Variants in HDAC5 observed in about 807,000 individuals in gnomAD.
The protein encoded by HDAC5 is histone deacetylase 5.
HDAC5 carries 25 observed loss-of-function variants against 133.3 expected under a neutral mutation model. That is an observed-to-expected ratio of 0.19 (90% CI 0.14 to 0.26). HDAC5 has a LOEUF of 0.26. Ranked by LOEUF, HDAC5 falls within the 10% of genes least tolerant of loss-of-function variation. The pLI, the probability that HDAC5 is intolerant of heterozygous loss-of-function variation, is 1.00. For missense variants in HDAC5, 1,041 were observed against 1,460.5 expected, an observed-to-expected ratio of 0.71 and a Z score of 4.68; for synonymous variants, 589 against 610.8, an observed-to-expected ratio of 0.96 and a Z score of 0.53.
At position 44,088,559 on chromosome 17, in the gene HDAC5, C is replaced by T. The variant is rs143851045; in HGVS notation, c.1427G>A (p.Arg476His). The T allele has an allele frequency of 3.6e-4, 588 of 1,613,566 alleles. 2 individuals are homozygous for T. The highest frequency in any genetic ancestry group is 6.7e-4 in the South Asian group (61 of 91,076). Residue 476 changes from arginine (R) to histidine (H), a missense_variant, in exon 12 of 27, where the codon CGT becomes CAT. By Grantham distance (29) the Arg-to-His change is conservative. This residue lies in a region of HDAC5 where 433 missense variants were observed against 531.6 expected (regional missense o/e 0.81). Transcript: ENST00000682912. Reference protein sequence around the residue: ...HGQSPLVTGERVATSMRTVGK... With the variant: ...HGQSPLVTGEHVATSMRTVGK... The stretch of plus-strand genomic sequence containing the variant: ...TACCGTCCGCATGCTGGTGGCCACA[C>T]GTTCACCCGTCACTAGTGGGGACTG...
chr17:44,092,692 G>A lies in HDAC5; in HGVS notation c.756C>T (p.Phe252=), dbSNP rs1293256071. The A allele has an allele frequency of 2.0e-6, 3 of 1,518,196 alleles. No individual in the cohort carries two copies. The highest frequency in any genetic ancestry group is 3.6e-4 in the Middle Eastern group (2 of 5,594). 94.0% of individuals were successfully genotyped at this position (1,518,196 alleles called of 1,614,324 possible). A position where few individuals can be genotyped will look rare whatever the true frequency, so the allele number is the denominator to read the frequency against. The change falls in exon 7 of 27, where the codon TTC becomes TTT. Residue 252 remains phenylalanine, a synonymous_variant. Transcript: ENST00000682912. ...LPGPYDSRDD[F]PLRKTASEPN... Reference sequence around the variant, plus strand: ...CTCACTCACCTGTTTTGCGGAGGGGGAAGTCGTCTCGACTGTCGTAGGGCC... The same window carrying A: ...CTCACTCACCTGTTTTGCGGAGGGGAAAGTCGTCTCGACTGTCGTAGGGCC...
chr17:44,123,443 G>A (rs2053138629), intron 1 of HDAC5, 61 bp downstream of exon 1: 1 of 361,626 alleles, frequency 2.8e-6, no homozygotes, highest in African/African-American at 2.1e-5. Flanking sequence ...GGAGGAGGGG[G>A]CGCCGCCTCG....
At chr17:44,102,257 T>A (rs978201968) in intron 3 of HDAC5, among the ~76,000 whole-genome samples, 1 of 152,248 alleles carries the variant, frequency 6.6e-6, no homozygotes, top group African/African-American at 2.4e-5. Flanking sequence ...GCCACCTTTT[T>A]AAAATCTGCA....
chr17:44,093,814 G>T lies in HDAC5; in HGVS notation c.115C>A (p.Pro39Thr). 6.6e-7 allele frequency: 1 copy of T among 1,521,842 alleles called. No homozygotes were observed. Among genetic ancestry groups the T allele is most frequent in the Non-Finnish European group, 8.8e-7 (1 of 1,134,992 alleles). 94.3% of individuals were successfully genotyped at this position (1,521,842 alleles called of 1,614,324 possible). A position where few individuals can be genotyped will look rare whatever the true frequency, so the allele number is the denominator to read the frequency against. ...PVTVEVKPVL[P>T]RAMPSSMGGG... ...CCCATGGAACTGGGCATGGCTCTTG[G>T]CAGCACCGGCTTCACCTCCACTGTG... The change falls in exon 4 of 27, where the codon CCA (proline) becomes ACA (threonine). Residue 39 changes from proline (P) to threonine (T), a missense_variant. Around this residue, in one of 9 missense-constraint regions of HDAC5, gnomAD observed 93 missense variants for 98.8 expected, o/e 0.94. Transcript: ENST00000682912.
In HDAC5 at chr17:44,092,823, G is replaced by A; in HGVS notation, c.642-17C>T. ...TGGGCTCCCCTGGGGTGGGGGGGGGGTGGGGATGGAAGCAGATCTAGGTTA... is the reference window on the plus strand; with the variant it reads ...TGGGCTCCCCTGGGGTGGGGGGGGGATGGGGATGGAAGCAGATCTAGGTTA... On this transcript the variant is annotated splice_polypyrimidine_tract_variant and intron_variant, in intron 6 of 26. Coordinates refer to ENST00000682912, the MANE Select transcript of HDAC5 (RefSeq NM_005474.5). 1 of 666,256 alleles carries A rather than the reference G, an allele frequency of 1.5e-6. No homozygotes were observed. The highest frequency in any genetic ancestry group is 2.4e-6 in the Non-Finnish European group (1 of 422,862). 41.3% of individuals were successfully genotyped at this position (666,256 alleles called of 1,614,324 possible).
Sources: gnomAD v4.1 joint callset for allele counts (sites outside exome capture counted in the v4.1 genomes callset) on GRCh38, gnomAD v4.1.1 for gene constraint, gnomAD v4.1.1 regional missense constraint, MANE v1.5 for transcripts, NCBI Gene and HGNC (gene_info 2026-07-23, HGNC 2026-07-21) for gene names.